Variants in MARS1 observed in about 807,000 individuals in gnomAD.
MARS1 encodes methionyl-tRNA synthetase 1.
MARS1 carries 80 observed loss-of-function variants against 119.5 expected under a neutral mutation model. The ratio of observed to expected loss-of-function variants is 0.67; its 90% CI spans 0.56 to 0.81. The LOEUF (loss-of-function observed/expected upper bound fraction) is 0.81, where lower values mean the gene tolerates loss of function less well. Among genes scored for constraint, MARS1 ranks in the 30% least tolerant of loss-of-function variants. The probability of loss-of-function intolerance (pLI) is 0.00; values close to 1 mark genes in which losing one functional copy is unlikely to be tolerated. For missense variants in MARS1, 945 were observed against 1,116.5 expected (o/e 0.85, Z 2.19); for synonymous variants, 418 against 433.4 (o/e 0.96, Z 0.44).
intron 10 of MARS1, among the ~76,000 whole-genome samples, chr12:57,502,187 C>G (rs1876947955): frequency 6.6e-6 from 1 of 152,052 alleles, no homozygotes; most frequent in South Asian, 2.1e-4. Flanking sequence ...AAAAAGATGC[C>G]TTGTAAGTTT....
In MARS1 at chr12:57,489,424, C is replaced by T. The variant is rs748101663; in HGVS notation, c.280C>T (p.Pro94Ser). The T allele has an allele frequency of 6.2e-7, 1 of 1,614,158 alleles. No individual in the cohort carries two copies. The highest frequency in any genetic ancestry group is 1.1e-5 in the South Asian group (1 of 91,088). The part of the protein sequence containing the change: ...WLEWEATELQ[P>S]ALSAALYYLV... ...CTGACTCATGTCCCCTGCATTTTAG[C>T]CAGCTTTGTCTGCTGCCCTGTACTA... The change falls in exon 4 of 21, where the codon CCA becomes TCA. Residue 94 changes from proline to serine, a missense_variant and splice_region_variant. By Grantham distance (74) the Pro-to-Ser change is moderately conservative. Coordinates refer to ENST00000262027, the MANE Select transcript of MARS1 (RefSeq NM_004990.4).
At position 57,489,022 on chromosome 12, in the gene MARS1, G is replaced by A. The variant is rs1224872726; in HGVS notation, c.113G>A (p.Cys38Tyr). The part of the protein sequence containing the change: ...VLISTVGPED[C>Y]VVPFLTRPKV... The stretch of plus-strand genomic sequence containing the variant: ...CCATTTTCCATTCTTGCATCAGATT[G>A]TGTGGTCCCGTTCCTGACCCGGCCT... Residue 38 changes from cysteine to tyrosine, a missense_variant, in exon 2 of 21, where the codon TGT (cysteine) becomes TAT (tyrosine). By Grantham distance (194) the Cys-to-Tyr change is radical. Transcript: ENST00000262027. 1 of 1,607,706 alleles carries A rather than the reference G, an allele frequency of 6.2e-7. No homozygotes were observed. The highest frequency in any genetic ancestry group is 8.5e-7 in the Non-Finnish European group (1 of 1,175,480).
In MARS1 at chr12:57,498,217, T is replaced by C. The variant is rs367995771; in HGVS notation, c.831T>C (p.Asn277=). The change falls in exon 8 of 21, where the codon AAT becomes AAC. Residue 277 remains asparagine, a synonymous_variant. Transcript: ENST00000262027. ...LITSALPYVN[N]VPHLGNIIGC... The stretch of plus-strand genomic sequence containing the variant: ...CCAGTGCCCTCCCTTACGTCAACAA[T>C]GTCCCCCACCTTGGGAACATCATTG... 22 of 1,614,102 alleles carry C rather than the reference T, an allele frequency of 1.4e-5. No homozygotes were observed. The highest frequency in any genetic ancestry group is 3.3e-5 in the Admixed American group (2 of 60,006).
intron 7 of MARS1, among the ~76,000 whole-genome samples, chr12:57,491,244 AT>A (rs1424269555): frequency 6.6e-6 from 1 of 152,094 alleles, no homozygotes; most frequent in Non-Finnish European, 1.5e-5. Context: ...CCAGATCTGT[AT>A]TCTGAACTCC....
chr12:57,490,256 A>C lies in MARS1; in HGVS notation c.540A>C (p.Glu180Asp). The C allele has an allele frequency of 6.2e-7, 1 of 1,613,840 alleles. No homozygotes were observed. Among genetic ancestry groups the C allele is most frequent in the East Asian group, 2.2e-5 (1 of 44,890 alleles). Residue 180 changes from glutamate (E) to aspartate (D), a missense_variant, in exon 6 of 21, where the codon GAA (glutamate) becomes GAC (aspartate). Transcript: ENST00000262027. ...HSWFQTLSTQ[E>D]PCQRAAETVL... is the part of the protein sequence containing the mutation. ...GGTTCCAGACACTGAGTACCCAGGA[A>C]CCATGTCAGCGAGCTGCAGAGACTG... is the stretch of plus-strand genomic sequence containing the variant.
rs139650475 is a variant in MARS1, at chr12:57,509,609, C to A, written c.1369-2089C>A. Among the ~76,000 whole-genome samples the A allele has an allele frequency of 2.0e-4, 31 of 152,098 alleles. 1 individual carries two copies. The East Asian group carries it at 6.0e-3, about 29-fold the overall frequency. Reference sequence around the variant, plus strand: ...ATTTTTAGTAGAGACAGGGTTTCACCATGTTGGCCAGGCTGGTCTCCAACT... The same window carrying A: ...ATTTTTAGTAGAGACAGGGTTTCACAATGTTGGCCAGGCTGGTCTCCAACT... On this transcript the variant is annotated intron_variant, in intron 11 of 20. Coordinates refer to ENST00000262027, the MANE Select transcript of MARS1 (RefSeq NM_004990.4).
At chr12:57,493,741 TATTATATAC>T (rs1204990542) in intron 7 of MARS1, among the ~76,000 whole-genome samples, 3 of 5,328 alleles carry the variant, frequency 5.6e-4, no homozygotes, top group South Asian at 8.1e-3. Context: ...ATATAATATA[TATTATATAC>T]ATTATATTAT....
chr12:57,503,681 A>G lies in MARS1; in HGVS notation c.1294-544A>G, dbSNP rs183408462. ...CTCAGCCTCCCAAGTAGCTGGGACTACAGGTGCACGCCACCATGCCCAGCT... is the reference window on the plus strand; with the variant it reads ...CTCAGCCTCCCAAGTAGCTGGGACTGCAGGTGCACGCCACCATGCCCAGCT... On this transcript the variant is annotated intron_variant, in intron 10 of 20. Coordinates refer to ENST00000262027, the MANE Select transcript of MARS1 (RefSeq NM_004990.4). Among the ~76,000 whole-genome samples the G allele has an allele frequency of 1.8e-3, 269 of 152,126 alleles. 2 individuals carry two copies. Among genetic ancestry groups the G allele is most frequent in the African/African-American group, 6.3e-3 (262 of 41,518 alleles).
chr12:57,510,316 AC>A (rs2140032051), intron 11 of MARS1, among the ~76,000 whole-genome samples: 1 of 152,260 alleles, frequency 6.6e-6, no homozygotes, highest in African/African-American at 2.4e-5. Context: ...TACTAAAAAT[AC>A]AAAAATTAGC....
rs548404136 is a variant in MARS1, at chr12:57,508,428, G to GCTGGCGGATCA, written c.1369-3262_1369-3252dup. Among the ~76,000 whole-genome samples the GCTGGCGGATCA allele has an allele frequency of 1.2e-3, 190 of 152,378 alleles. 4 individuals are homozygous for GCTGGCGGATCA. The East Asian group carries it at 0.027, about 22-fold the overall frequency. On this transcript the variant is annotated intron_variant, in intron 11 of 20. Coordinates refer to ENST00000262027, the MANE Select transcript of MARS1 (RefSeq NM_004990.4). ...AATCCCGGCACCTCGGGAGGCCGAGGCTGGCGGATCACTGGCGGTTAGGAG... is the reference window on the plus strand; with the variant it reads ...AATCCCGGCACCTCGGGAGGCCGAGGCTGGCGGATCACTGGCGGATCACTGGCGGTTAGGAG...
intron 4 of MARS1, 132 bp from the exon 5 acceptor site, chr12:57,489,764 T>G (rs963505968): frequency 1.9e-6 from 2 of 1,072,892 alleles, no homozygotes; most frequent in Non-Finnish European, 2.8e-6. Context: ...ATTGTGAGGA[T>G]TAAGTGAGAT....
intron 7 of MARS1, 52 bp downstream of exon 7, chr12:57,490,696 T>C: frequency 6.5e-7 from 1 of 1,531,596 alleles, no homozygotes; most frequent in Non-Finnish European, 9.0e-7. Flanking sequence ...GTGGAAATTG[T>C]TGATAGAGCC....
chr12:57,490,439 G>A (rs1875848279), intron 6 of MARS1, 60 bp downstream of exon 6: 1 of 1,610,072 alleles, frequency 6.2e-7, no homozygotes, highest in Non-Finnish European at 8.5e-7. Context: ...GATGGACTTT[G>A]AGCATGGCCA....
intron 19 of MARS1, 50 bp from the exon 20 acceptor site, chr12:57,516,195 G>C: frequency 6.5e-7 from 1 of 1,537,540 alleles, no homozygotes; most frequent in Non-Finnish European, 9.0e-7. Context: ...TATAAAACTG[G>C]AGGTTAGGGG....
chr12:57,500,316 A>G lies in MARS1; in HGVS notation c.1092-5A>G. On this transcript the variant is annotated splice_region_variant and splice_polypyrimidine_tract_variant and intron_variant, in intron 9 of 20. Coordinates refer to ENST00000262027, the MANE Select transcript of MARS1 (RefSeq NM_004990.4). ...CTCTTCCTGATCCCTGGCCCACCTC[A>G]CCAGAATCACCCAGGACATTTTCCA... 6.2e-7 allele frequency: 1 copy of G among 1,613,902 alleles called. No individual in the cohort carries two copies. The highest frequency in any genetic ancestry group is 8.5e-7 in the Non-Finnish European group (1 of 1,179,820).
At chr12:57,493,882 T>C (rs1446040884) in intron 7 of MARS1, among the ~76,000 whole-genome samples, 1 of 56,922 alleles carries the variant, frequency 1.8e-5, no homozygotes, top group Non-Finnish European at 3.0e-5. Context: ...ATATATAATA[T>C]ATAATATATA....
In MARS1 at chr12:57,514,747, T is replaced by C. The variant is rs1034831965; in HGVS notation, c.1995T>C (p.Phe665=). 1.5e-5 allele frequency: 25 copies of C among 1,614,080 alleles called. No homozygotes were observed. The highest frequency in any genetic ancestry group is 1.0e-4 in the Admixed American group (6 of 60,010). The change falls in exon 16 of 21, where the codon TTT becomes TTC. Residue 665 remains phenylalanine, a synonymous_variant. Coordinates refer to ENST00000262027, the MANE Select transcript of MARS1 (RefSeq NM_004990.4). ...NRAGMFVSKF[F]GGYVPEMVLT... Reference sequence around the variant, plus strand: ...CTGGGATGTTTGTGTCTAAGTTCTTTGGGGGCTATGTGCCTGAGATGGTGC... The same window carrying C: ...CTGGGATGTTTGTGTCTAAGTTCTTCGGGGGCTATGTGCCTGAGATGGTGC...
intron 18 of MARS1, 24 bp from the exon 19 acceptor site, chr12:57,515,896 G>C (rs1330245813): frequency 1.3e-6 from 2 of 1,591,332 alleles, no homozygotes; most frequent in Admixed American, 1.7e-5. Flanking sequence ...ATCAGTAGAT[G>C]ATTCTGGAAC....
Position 57,514,989 on chromosome 12 carries a change from C to G in MARS1, c.2135C>G (p.Ser712Cys). 6.2e-7 allele frequency: 1 copy of G among 1,614,196 alleles called. No homozygotes were observed. Among genetic ancestry groups the G allele is most frequent in the Non-Finnish European group, 8.5e-7 (1 of 1,180,038 alleles). The change falls in exon 17 of 21, where the codon TCT becomes TGT. Residue 712 changes from serine to cysteine, a missense_variant. Transcript: ENST00000262027. ...GCCTTGCGCAGTATCCTCACCATAT[C>G]TCGACATGGCAACCAATATATTCAG... ...RDALRSILTISRHGNQYIQVN... is the reference protein window; with the variant it reads ...RDALRSILTICRHGNQYIQVN...
Sources: gnomAD v4.1 joint callset for allele counts (sites outside exome capture counted in the v4.1 genomes callset) on GRCh38, gnomAD v4.1.1 for gene constraint, MANE v1.5 for transcripts, NCBI Gene and HGNC (gene_info 2026-07-23, HGNC 2026-07-21) for gene names.